Variants in CSMD1 observed in about 807,000 individuals in gnomAD.
CSMD1 encodes CUB and sushi domain-containing protein 1.
CSMD1 carries 213 observed loss-of-function variants against 417.5 expected under a neutral mutation model. That is an observed-to-expected ratio of 0.51 (90% CI 0.46 to 0.57). The LOEUF is 0.57. Among genes scored for constraint, CSMD1 ranks in the 20% least tolerant of loss-of-function variants. CSMD1 has a pLI of 0.00. For synonymous variants in CSMD1, 2,862 were observed against 1,736.8 expected (o/e 1.65, Z -16.11); for missense variants, 6,923 against 4,529.7 (o/e 1.53, Z -15.17).
intron 12 of CSMD1, among the ~76,000 whole-genome samples, chr8:3,419,654 A>G (rs1346521653): frequency 6.6e-6 from 1 of 152,208 alleles, no homozygotes; most frequent in African/African-American, 2.4e-5. Context: ...GCAAATAAAT[A>G]GGAAAAAAAA....
chr8:4,345,023 C>T (rs1376560324), intron 3 of CSMD1, among the ~76,000 whole-genome samples: 3 of 152,074 alleles, frequency 2.0e-5, no homozygotes, highest in African/African-American at 7.2e-5. Flanking sequence ...AAGGCAGCAT[C>T]ACACCATAAC....
At chr8:4,357,947 T>G (rs887914883) in intron 3 of CSMD1, among the ~76,000 whole-genome samples, 2 of 152,166 alleles carry the variant, frequency 1.3e-5, no homozygotes, top group East Asian at 1.9e-4. Flanking sequence ...CCATTGCTAG[T>G]GGTGTAATGC....
rs80196499 is a variant in CSMD1, at chr8:4,403,571, G to A, written c.415+16382C>T. ...TCACCTCTTCCTTCCTGAAAGGCTTGAGTTGACTTCTAGGACAGTACACAC... is the reference window on the plus strand; with the variant it reads ...TCACCTCTTCCTTCCTGAAAGGCTTAAGTTGACTTCTAGGACAGTACACAC... On this transcript the variant is annotated intron_variant, in intron 3 of 69. Transcript: ENST00000635120. 3.4e-3 allele frequency among the ~76,000 whole-genome samples: 523 copies of A among 152,224 alleles called. 17 individuals are homozygous for A. The East Asian group carries it at 0.072, about 21-fold the overall frequency.
chr8:3,458,019 A>G (rs867901481), intron 12 of CSMD1, among the ~76,000 whole-genome samples: 80 of 152,220 alleles, frequency 5.3e-4, no homozygotes, highest in African/African-American at 1.6e-3. Flanking sequence ...CGCAAATATC[A>G]TTATCAGAAC....
rs28460277 is a variant in CSMD1, at chr8:3,521,735, G to T, written c.1345-28009C>A. On this transcript the variant is annotated intron_variant, in intron 10 of 69. Transcript: ENST00000635120. ...CTTAATGAGAACAGTATGCCTCAAA[G>T]ATGTTAAGTAAATTCTCATTTATTG... Among the ~76,000 whole-genome samples the T allele has an allele frequency of 3.9e-3, 597 of 152,282 alleles. 1 individual carries two copies. Among genetic ancestry groups the T allele is most frequent in the South Asian group, 0.023 (111 of 4,822 alleles).
chr8:4,018,410 G>A (rs1796624690), intron 4 of CSMD1, among the ~76,000 whole-genome samples: 2 of 152,194 alleles, frequency 1.3e-5, no homozygotes, highest in East Asian at 3.9e-4. Context: ...CTCGATTCCT[G>A]TTCTCTCCCA....
rs1472874032 is a variant in CSMD1 at position 4,452,413 on chromosome 8, T to C, written c.303-32348A>G. On this transcript the variant is annotated intron_variant, in intron 2 of 69. Transcript: ENST00000635120. ...GGGCTTGGGGTTCAGAGGTTCATGT[T>C]CTTACACGGTGATTCTTGACAAATA... Among the ~76,000 whole-genome samples the C allele has an allele frequency of 3.3e-5, 5 of 152,224 alleles. No homozygotes were observed. The East Asian group carries it at 9.6e-4, about 29-fold the overall frequency.
At chr8:4,311,549 C>T (rs1043501848) in intron 3 of CSMD1, among the ~76,000 whole-genome samples, 3 of 151,708 alleles carry the variant, frequency 2.0e-5, no homozygotes, top group African/African-American at 4.8e-5. Context: ...ACGGTGAAAC[C>T]CTGTCTCTAC....
At chr8:3,149,706 G>A (rs1585483807) in intron 40 of CSMD1, among the ~76,000 whole-genome samples, 1 of 152,190 alleles carries the variant, frequency 6.6e-6, no homozygotes, top group East Asian at 1.9e-4. Context: ...TCGATCTCCT[G>A]ACCTTGCGAT....
rs756147456 is a variant in CSMD1, at chr8:4,394,926, A to T, written c.415+25027T>A. Among the ~76,000 whole-genome samples, 8 of 152,294 alleles carry T rather than the reference A, an allele frequency of 5.3e-5. 1 individual carries two copies. Among genetic ancestry groups the T allele is most frequent in the Middle Eastern group, 3.4e-3 (1 of 294 alleles). On this transcript the variant is annotated intron_variant, in intron 3 of 69. Coordinates refer to ENST00000635120, the MANE Select transcript of CSMD1 (RefSeq NM_033225.6). ...TGTTCCTCTACAGCAGGTGCACTGAATCTCAACTCACAGCTCAAGAAGTTA... is the reference window on the plus strand; with the variant it reads ...TGTTCCTCTACAGCAGGTGCACTGATTCTCAACTCACAGCTCAAGAAGTTA...
At chr8:4,020,902 T>A (rs908298148) in intron 4 of CSMD1, among the ~76,000 whole-genome samples, 1 of 152,220 alleles carries the variant, frequency 6.6e-6, no homozygotes, top group African/African-American at 2.4e-5. Flanking sequence ...TCAAATATGC[T>A]TCAGCAATTG....
Position 4,621,485 on chromosome 8 carries a change from C to T in CSMD1, c.302+15857G>A, listed in dbSNP as rs80237686. On this transcript the variant is annotated intron_variant, in intron 2 of 69. Transcript: ENST00000635120. ...AGTGGATATCTTGAAAAACATAATT[C>T]ACCAAAATTGACACCAGAAGAAAGA... 6.0e-3 allele frequency among the ~76,000 whole-genome samples: 910 copies of T among 152,156 alleles called. 77 individuals are homozygous for T. In the East Asian group the frequency reaches 0.16, roughly 27 times the overall value.
intron 3 of CSMD1, among the ~76,000 whole-genome samples, chr8:4,291,932 G>T (rs1797389910): frequency 6.6e-6 from 1 of 152,150 alleles, no homozygotes; most frequent in South Asian, 2.1e-4. Flanking sequence ...TGCCCTATGT[G>T]AAAAAGCAGG....
intron 2 of CSMD1, among the ~76,000 whole-genome samples, chr8:4,508,704 T>A (rs1348912557): frequency 1.3e-5 from 2 of 152,090 alleles, no homozygotes; most frequent in Non-Finnish European, 2.9e-5. Context: ...CTGGAACCAT[T>A]TTTAGCTGCT....
intron 26 of CSMD1, among the ~76,000 whole-genome samples, chr8:3,264,232 C>T (rs1452071586): frequency 6.6e-6 from 1 of 152,160 alleles, no homozygotes; most frequent in African/African-American, 2.4e-5. Context: ...GAAACATTCT[C>T]TGCGAATTCA....
intron 2 of CSMD1, among the ~76,000 whole-genome samples, chr8:4,448,935 T>C (rs545048996): frequency 1.4e-4 from 21 of 152,310 alleles, no homozygotes; most frequent in African/African-American, 5.1e-4. Context: ...AATTTCCAGA[T>C]AAATTACCAG....
Position 3,087,273 on chromosome 8 carries a change from C to A in CSMD1, c.7298G>T (p.Ser2433Ile), listed in dbSNP as rs772494874. The A allele has an allele frequency of 6.2e-7, 1 of 1,613,908 alleles. No homozygotes were observed. Among genetic ancestry groups the A allele is most frequent in the African/African-American group, 1.3e-5 (1 of 75,058 alleles). ...FKIRYAAPYCSLTHPLKNGGI... is the reference protein window; with the variant it reads ...FKIRYAAPYCILTHPLKNGGI... ...CCCATTCTTCAGGGGGTGGGTCAAACTGCAGTAAGGTGCTGTGGGCAGACA... is the reference window on the plus strand; with the variant it reads ...CCCATTCTTCAGGGGGTGGGTCAAAATGCAGTAAGGTGCTGTGGGCAGACA... The change falls in exon 49 of 70, where the codon AGT becomes ATT. Residue 2433 changes from serine to isoleucine, a missense_variant. Physicochemically the swap from Ser to Ile is moderately radical, Grantham distance 142 (BLOSUM62 -2). Coordinates refer to ENST00000635120, the MANE Select transcript of CSMD1 (RefSeq NM_033225.6).
chr8:4,698,255 A>C (rs1197206437), intron 1 of CSMD1, among the ~76,000 whole-genome samples: 1 of 152,092 alleles, frequency 6.6e-6, no homozygotes, highest in Non-Finnish European at 1.5e-5. Context: ...ATTTTAGTCA[A>C]CATGAAGAGC....
At chr8:3,250,387 C>T (rs947193010) in intron 26 of CSMD1, among the ~76,000 whole-genome samples, 9 of 152,214 alleles carry the variant, frequency 5.9e-5, no homozygotes, top group African/African-American at 2.2e-4. Context: ...AGGACATGAA[C>T]TCATTATTTT....
Sources: allele counts gnomAD v4.1 joint callset (sites outside exome capture counted in the v4.1 genomes callset), GRCh38; gene constraint gnomAD v4.1.1; transcripts MANE v1.5; gene names NCBI Gene and HGNC (gene_info 2026-07-23, HGNC 2026-07-21).